PRCC: variants seen among roughly 807,000 people sequenced by gnomAD.
PRCC encodes proline-rich protein PRCC.
Under a neutral mutation model 44.0 loss-of-function variants are expected in PRCC, and 10 were observed. The ratio of observed to expected loss-of-function variants is 0.23; its 90% confidence interval spans 0.14 to 0.39. The LOEUF is 0.39. PRCC is among the 10% of genes least tolerant of loss of function. The pLI, the probability that PRCC is intolerant of heterozygous loss-of-function variation, is 1.00. For missense variants in PRCC, 573 were observed against 624.7 expected (o/e 0.92, Z 0.88); for synonymous variants, 278 against 259.5 (o/e 1.07, Z -0.69).
intron 3 of PRCC, among the ~76,000 whole-genome samples, chr1:156,788,606 A>C (rs1003770559): frequency 3.3e-5 from 5 of 150,334 alleles, no homozygotes; most frequent in Non-Finnish European, 5.9e-5. Flanking sequence ...ACTAATTTAC[A>C]TTCCCATCCG....
At chr1:156,779,006 G>A (rs1284133210) in intron 1 of PRCC, among the ~76,000 whole-genome samples, 2 of 147,236 alleles carry the variant, frequency 1.4e-5, no homozygotes, top group Non-Finnish European at 3.0e-5. Flanking sequence ...CATCATATTG[G>A]TCAGGCTGGT....
intron 2 of PRCC, 99 bp from the exon 3 acceptor site, chr1:156,786,509 C>G: frequency 8.0e-7 from 1 of 1,255,446 alleles, no homozygotes; most frequent in Non-Finnish European, 1.1e-6. Flanking sequence ...AGATTTTAGG[C>G]TAGAGAACTT....
At chr1:156,774,157 CTTTTTTTTTTTTTTTTTTTTTT>C (rs76271348) in intron 1 of PRCC, among the ~76,000 whole-genome samples, 27 of 54,008 alleles carry the variant, frequency 5.0e-4, no homozygotes, top group African/African-American at 2.2e-3. Flanking sequence ...TTTGAGTCAC[CTTTTTTTTTTTTTTTTTTTTTT>C]TTTTTTTTTT....
At chr1:156,778,945 G>A (rs1651927552) in intron 1 of PRCC, among the ~76,000 whole-genome samples, 1 of 150,100 alleles carries the variant, frequency 6.7e-6, no homozygotes, top group Non-Finnish European at 1.5e-5. Flanking sequence ...GATTATAGGC[G>A]CCTGCCACCA....
intron 3 of PRCC, 128 bp downstream of exon 3, chr1:156,787,302 A>ACAG (rs1268162324): frequency 2.9e-6 from 3 of 1,046,328 alleles, no homozygotes; most frequent in Non-Finnish European, 4.2e-6. Context: ...TTATTAGGCC[A>ACAG]CAGAACATAC....
chr1:156,773,329 C>T (rs1651702041), intron 1 of PRCC, among the ~76,000 whole-genome samples: 2 of 152,076 alleles, frequency 1.3e-5, no homozygotes, highest in Non-Finnish European at 2.9e-5. Flanking sequence ...GCAGATCCCA[C>T]TGGACCTAGC....
intron 1 of PRCC, among the ~76,000 whole-genome samples, chr1:156,780,306 G>A (rs192455091): frequency 1.1e-4 from 16 of 151,058 alleles, no homozygotes; most frequent in Non-Finnish European, 2.4e-4. Flanking sequence ...TAATCCTCCC[G>A]CCTTGGCCTC....
intron 1 of PRCC, among the ~76,000 whole-genome samples, chr1:156,777,252 C>G (rs1446394528): frequency 6.6e-6 from 1 of 152,090 alleles, no homozygotes; most frequent in African/African-American, 2.4e-5. Context: ...GCAGACAGCT[C>G]AGTTTGGTGT....
At chr1:156,794,891 C>A in intron 5 of PRCC, 83 bp downstream of exon 5, 1 of 1,541,720 alleles carries the variant, frequency 6.5e-7, no homozygotes, top group Non-Finnish European at 8.9e-7. Flanking sequence ...TGACCCCACA[C>A]CCCATTGTTA....
At chr1:156,797,483 G>A (rs771074990) in intron 6 of PRCC, 142 bp downstream of exon 6, 16 of 912,336 alleles carry the variant, frequency 1.8e-5, no homozygotes, top group South Asian at 1.7e-4. Flanking sequence ...TTCTCAGAGC[G>A]GCCACTAGGA....
At position 156,774,157 on chromosome 1, in the gene PRCC, C is replaced by CTTTTTTTTTTTTTT. The variant is rs76271348; in HGVS notation, c.468+5941_468+5954dup. 4.4e-4 allele frequency among the ~76,000 whole-genome samples: 24 copies of CTTTTTTTTTTTTTT among 54,000 alleles called. 6 individuals are homozygous for CTTTTTTTTTTTTTT. Among genetic ancestry groups the CTTTTTTTTTTTTTT allele is most frequent in the Non-Finnish European group, 6.1e-4 (19 of 31,010 alleles). The allele number at this position is 54,000 out of a possible 152,430, so 35.4% of individuals were successfully genotyped here. ...GAGTTTCTTTCTTTTTTTGAGTCAC[C>CTTTTTTTTTTTTTT]TTTTTTTTTTTTTTTTTTTTTTTTT... On this transcript the variant is annotated intron_variant, in intron 1 of 6. Transcript: ENST00000271526.
At chr1:156,785,087 A>G (rs1053041610) in intron 2 of PRCC, among the ~76,000 whole-genome samples, 1 of 152,216 alleles carries the variant, frequency 6.6e-6, no homozygotes, top group East Asian at 1.9e-4. Flanking sequence ...CTAAAATTAC[A>G]TATTTTTGTA....
intron 4 of PRCC, 150 bp from the exon 5 acceptor site, chr1:156,794,515 T>G: frequency 3.3e-6 from 3 of 907,172 alleles, no homozygotes; most frequent in Non-Finnish European, 4.9e-6. Context: ...TCAAGGGAGT[T>G]TGGTAGATGG....
At chr1:156,781,322 T>TA (rs1652043467) in intron 1 of PRCC, among the ~76,000 whole-genome samples, 1 of 152,170 alleles carries the variant, frequency 6.6e-6, no homozygotes, top group African/African-American at 2.4e-5. Context: ...ACTTGTGAGA[T>TA]ATGAGAGCGA....
intron 3 of PRCC, among the ~76,000 whole-genome samples, chr1:156,790,820 T>TA (rs986341889): frequency 1.3e-5 from 2 of 152,116 alleles, no homozygotes; most frequent in African/African-American, 2.4e-5. Context: ...AATACCATTA[T>TA]AAAAAAAATC....
intron 1 of PRCC, among the ~76,000 whole-genome samples, chr1:156,774,794 A>C (rs1367532581): frequency 6.6e-6 from 1 of 151,888 alleles, no homozygotes; most frequent in East Asian, 2.0e-4. Flanking sequence ...TCTACTAAAA[A>C]TATAAAAATT....
chr1:156,787,374 C>T (rs887419537), intron 3 of PRCC, among the ~76,000 whole-genome samples, 200 bp downstream of exon 3: 1 of 149,860 alleles, frequency 6.7e-6, no homozygotes, highest in Non-Finnish European at 1.5e-5. Flanking sequence ...GGGTGAACCA[C>T]ATAAATGACA....
Position 156,768,104 on chromosome 1 carries a change from G to T in PRCC, c.333G>T (p.Gly111=), listed in dbSNP as rs1445977486. The T allele has an allele frequency of 1.9e-6, 3 of 1,585,388 alleles. No homozygotes were observed. The African/African-American group carries it at 4.0e-5, about 21-fold the overall frequency. Residue 111 remains glycine (G), a synonymous_variant, in exon 1 of 7, where the codon GGG becomes GGT. Coordinates refer to ENST00000271526, the MANE Select transcript of PRCC (RefSeq NM_005973.5). ...AAGVGEGLGL[G]LPSPRGPGLN... ...GAGTTGGGGAGGGACTGGGATTGGG[G>T]TTGCCCTCGCCCCGAGGCCCTGGCC... is the stretch of plus-strand genomic sequence containing the variant.
In PRCC at chr1:156,791,707, G is replaced by A; in HGVS notation, c.1094G>A (p.Ser365Asn). The A allele has an allele frequency of 1.2e-6, 2 of 1,612,862 alleles. No homozygotes were observed. Among genetic ancestry groups the A allele is most frequent in the Non-Finnish European group, 1.7e-6 (2 of 1,179,648 alleles). ...AAGAYYQDYY[S>N]GGYYPAQDPA... is the part of the protein sequence containing the mutation. ...CCTGTTTGGCTGCAGGATTATTACA[G>A]TGGTGGCTACTATCCTGCACAGGAC... Residue 365 changes from serine (S) to asparagine (N), a missense_variant, in exon 4 of 7, where the codon AGT (serine) becomes AAT (asparagine). By Grantham distance (46) the Ser-to-Asn change is conservative. This residue lies in a region of PRCC where 141 missense variants were observed against 130.2 expected (regional missense o/e 1.08). Transcript: ENST00000271526.
Sources: allele counts gnomAD v4.1 joint callset (sites outside exome capture counted in the v4.1 genomes callset), GRCh38; gene constraint gnomAD v4.1.1; regional missense constraint gnomAD v4.1.1; transcripts MANE v1.5; gene names NCBI Gene and HGNC (gene_info 2026-07-23, HGNC 2026-07-21).